Variants in CBR4 observed in about 807,000 individuals in gnomAD.
CBR4 encodes 3-oxoacyl-[acyl-carrier-protein] reductase.
CBR4 carries 22 observed loss-of-function variants against 21.0 expected under a neutral mutation model. The ratio of observed to expected loss-of-function variants is 1.05; its 90% CI spans 0.75 to 1.50. The LOEUF (loss-of-function observed/expected upper bound fraction) is 1.50, where lower values mean the gene tolerates loss of function less well. CBR4 is among the 40% of genes most tolerant of loss of function. The pLI, the probability that CBR4 is intolerant of heterozygous loss-of-function variation, is 0.00. For synonymous variants in CBR4, 100 were observed against 104.4 expected, an observed-to-expected ratio of 0.96 and a Z score of 0.26; for missense variants, 302 against 286.3, an observed-to-expected ratio of 1.05 and a Z score of -0.40.
At chr4:168,964,977 T>G (rs866527925) in intron 2 of CBR4, among the ~76,000 whole-genome samples, 1 of 152,178 alleles carries the variant, frequency 6.6e-6, no homozygotes, top group Admixed American at 6.5e-5. Context: ...AACTAAAACT[T>G]TGCAGATGAC....
intron 2 of CBR4, among the ~76,000 whole-genome samples, chr4:168,948,603 CACCATTTGTTGAAAA>C (rs1213414340): frequency 6.6e-6 from 1 of 152,194 alleles, no homozygotes; most frequent in Admixed American, 6.5e-5. Flanking sequence ...ATTATCCCAG[CACCATTTGTTGAAAA>C]GGGTATCCCT....
At chr4:168,995,086 G>GATTTTA (rs1765127457) in intron 4 of CBR4, among the ~76,000 whole-genome samples, 1 of 152,028 alleles carries the variant, frequency 6.6e-6, no homozygotes, top group Non-Finnish European at 1.5e-5. Context: ...ACAACACTAC[G>GATTTTA]ATTCAAAGAT....
chr4:168,976,641 G>A (rs1205122717), intron 2 of CBR4, among the ~76,000 whole-genome samples: 2 of 152,196 alleles, frequency 1.3e-5, no homozygotes, highest in Admixed American at 6.5e-5. Context: ...CCTTTTTAAG[G>A]GCGGGGGAAG....
intron 2 of CBR4, among the ~76,000 whole-genome samples, chr4:168,919,896 G>A (rs1761079189): frequency 6.6e-6 from 1 of 152,142 alleles, no homozygotes; most frequent in Non-Finnish European, 1.5e-5. Flanking sequence ...TTAGAAAAAA[G>A]GTACAAGGGG....
chr4:168,894,824 A>C, intron 2 of CBR4: 49 of 1,352,560 alleles, frequency 3.6e-5, no homozygotes, highest in South Asian at 5.2e-5. Flanking sequence ...AGTCAACCTC[A>C]CAGCTAATTT....
At chr4:169,007,206 T>C (rs1217685782) in intron 2 of CBR4, among the ~76,000 whole-genome samples, 1 of 152,228 alleles carries the variant, frequency 6.6e-6, no homozygotes, top group Admixed American at 6.5e-5. Context: ...ATACTAAGCC[T>C]TGTTTAGCAA....
Position 168,898,516 on chromosome 4 carries a change from A to G in CBR4, n.170-3751T>C. ...AGGAATACAAAGTCTCCAGCTGTGA[A>G]CAGAGACTCATCAGTGAAATAGAGT... On this transcript the variant is annotated intron_variant and non_coding_transcript_variant, in intron 2 of 3. Coordinates refer to the CBR4 transcript ENST00000509108. The G allele has an allele frequency of 6.2e-7, 1 of 1,612,694 alleles. No homozygotes were observed. Among genetic ancestry groups the G allele is most frequent in the Non-Finnish European group, 8.5e-7 (1 of 1,178,674 alleles).
downstream of CBR4, among the ~76,000 whole-genome samples, chr4:168,985,999 C>A (rs1383427204): frequency 6.6e-6 from 1 of 151,480 alleles, no homozygotes; most frequent in East Asian, 1.9e-4. Context: ...GTACACCAAA[C>A]CCCTGTGACA....
At chr4:168,961,822 G>A (rs575602298) in intron 2 of CBR4, among the ~76,000 whole-genome samples, 215 of 152,152 alleles carry the variant, frequency 1.4e-3, no homozygotes, top group African/African-American at 4.7e-3. Context: ...CCCGGGAGGC[G>A]GAGGTTACAG....
intron 2 of CBR4, chr4:168,898,461 G>C (rs1755749485): frequency 7.3e-7 from 1 of 1,377,958 alleles, no homozygotes; most frequent in Admixed American, 1.7e-5. Flanking sequence ...AGAAGGGATT[G>C]AGTCTGCTAA....
intron 2 of CBR4, among the ~76,000 whole-genome samples, chr4:168,944,772 A>C (rs922164471): frequency 6.6e-6 from 1 of 152,224 alleles, no homozygotes; most frequent in African/African-American, 2.4e-5. Flanking sequence ...ATGCCTCTAA[A>C]GTGCAATGGA....
chr4:168,995,982 G>A (rs1579004129), intron 4 of CBR4, among the ~76,000 whole-genome samples: 1 of 152,324 alleles, frequency 6.6e-6, no homozygotes, highest in East Asian at 1.9e-4. Flanking sequence ...ATTACAAGAA[G>A]TCCAGAACAG....
intron 2 of CBR4, among the ~76,000 whole-genome samples, chr4:168,974,194 T>G (rs1301140270): frequency 1.3e-5 from 2 of 152,240 alleles, no homozygotes; most frequent in African/African-American, 4.8e-5. Context: ...TTAGTTTCAC[T>G]AGATACAAAA....
intron 4 of CBR4, chr4:169,001,387 T>C (rs971227373): frequency 2.5e-4 from 38 of 152,160 alleles, no homozygotes; most frequent in African/African-American, 8.2e-4. Context: ...CAGGTACAGT[T>C]TTCTAATCTA....
rs1213280057 is a variant in CBR4 at position 168,898,591 on chromosome 4, T to C, written n.170-3826A>G. 1 of 1,613,502 alleles carries C rather than the reference T, an allele frequency of 6.2e-7. No homozygotes were observed. Among genetic ancestry groups the C allele is most frequent in the Non-Finnish European group, 8.5e-7 (1 of 1,179,542 alleles). On this transcript the variant is annotated intron_variant and non_coding_transcript_variant, in intron 2 of 3. Transcript: ENST00000509108. Reference sequence around the variant, plus strand: ...ATGAATCAGGTGATGAAGTTCAGTATGGAGATGTGCCTGTGGAAAATGGAA... The same window carrying C: ...ATGAATCAGGTGATGAAGTTCAGTACGGAGATGTGCCTGTGGAAAATGGAA...
In CBR4 at chr4:168,916,612, CTTCA is replaced by C. The variant is rs149338439; in HGVS notation, n.170-21851_170-21848del. 2.0e-3 allele frequency among the ~76,000 whole-genome samples: 308 copies of C among 151,616 alleles called. 1 individual carries two copies. Among genetic ancestry groups the C allele is most frequent in the African/African-American group, 7.1e-3 (293 of 41,382 alleles). The stretch of plus-strand genomic sequence containing the variant: ...AATAAATATGATAAATCTACCATGT[CTTCA>C]TTCTTTTTTCATACAAATTTTGTAT... On this transcript the variant is annotated intron_variant and non_coding_transcript_variant, in intron 2 of 3. Transcript: ENST00000509108.
Position 168,988,329 on chromosome 4 carries a change from T to C in CBR4, c.*1821A>G, listed in dbSNP as rs1294498469. 19 of 985,196 alleles carry C rather than the reference T, an allele frequency of 1.9e-5. No individual in the cohort carries two copies. The highest frequency in any genetic ancestry group is 1.2e-4 in the Admixed American group (2 of 16,260). 61.0% of individuals were successfully genotyped at this position (985,196 alleles called of 1,614,324 possible). ...TTTCTTATTTTAAAGTATAAAAACA[T>C]ACACTTAAAGGCTAAACCTATCTAT... On this transcript the variant is annotated 3_prime_UTR_variant, in exon 5 of 5. Transcript: ENST00000306193.
chr4:168,896,714 A>G, intron 2 of CBR4: 1 of 666,456 alleles, frequency 1.5e-6, no homozygotes. Context: ...TATAAATGCT[A>G]TGACCAGTGT....
intron 2 of CBR4, among the ~76,000 whole-genome samples, chr4:168,905,937 A>G (rs1172262213): frequency 6.6e-6 from 1 of 151,564 alleles, no homozygotes; most frequent in African/African-American, 2.4e-5. Flanking sequence ...CGCTCAGCTA[A>G]TTTTTTGTAT....
Sources: gnomAD v4.1 joint callset for allele counts (sites outside exome capture counted in the v4.1 genomes callset) on GRCh38, gnomAD v4.1.1 for gene constraint, MANE v1.5 for transcripts, NCBI Gene and HGNC (gene_info 2026-07-23, HGNC 2026-07-21) for gene names.